ENAH: variants seen among roughly 807,000 people sequenced by gnomAD.
ENAH encodes the protein protein enabled homolog.
A neutral mutation model predicts 78.7 loss-of-function variants in ENAH; 23 were observed. That is an observed-to-expected ratio of 0.29 (90% confidence interval 0.21 to 0.41). ENAH has a LOEUF of 0.41. Among genes scored for constraint, ENAH ranks in the 10% least tolerant of loss-of-function variants. The pLI is 1.00. For missense variants in ENAH, 544 were observed against 691.0 expected (o/e 0.79, Z 2.39); for synonymous variants, 226 against 241.0 (o/e 0.94, Z 0.58).
chr1:225,588,633 C>T (rs755112099), intron 1 of ENAH, among the ~76,000 whole-genome samples: 23 of 151,958 alleles, frequency 1.5e-4, no homozygotes, highest in Non-Finnish European at 2.4e-4. Flanking sequence ...CACGGTGAAA[C>T]GCCGTCTCGA....
chr1:225,636,763 T>G (rs752214490), intron 1 of ENAH, among the ~76,000 whole-genome samples: 6 of 152,186 alleles, frequency 3.9e-5, no homozygotes, highest in Non-Finnish European at 8.8e-5. Flanking sequence ...AAAAAGTTAT[T>G]AATAGTGTCT....
chr1:225,514,865 G>A lies in ENAH; in HGVS notation c.949C>T (p.Pro317Ser). The A allele has an allele frequency of 5.0e-6, 8 of 1,606,726 alleles. No homozygotes were observed. The highest frequency in any genetic ancestry group is 5.9e-6 in the Non-Finnish European group (7 of 1,178,080). ...VLGPLAPPPP[P>S]PLPPGPAQAS... Reference sequence around the variant, plus strand: ...TGTGCAGGCCCTGGTGGGAGTGGTGGAGGAGGTGGAGGTGCAAGTGGTCCC... The same window carrying A: ...TGTGCAGGCCCTGGTGGGAGTGGTGAAGGAGGTGGAGGTGCAAGTGGTCCC... The change falls in exon 7 of 14, where the codon CCA (proline) becomes TCA (serine). Residue 317 changes from proline (P) to serine (S), a missense_variant. By Grantham distance (74) the Pro-to-Ser change is moderately conservative (BLOSUM62 -1). Around this residue, in one of 4 missense-constraint regions of ENAH, gnomAD observed 366 missense variants for 396.1 expected, o/e 0.92. Coordinates refer to ENST00000366843, the MANE Select transcript of ENAH (RefSeq NM_018212.6).
chr1:225,504,909 C>A, intron 11 of ENAH: 1 of 1,006,504 alleles, frequency 9.9e-7, no homozygotes, highest in Non-Finnish European at 1.5e-6. Flanking sequence ...TGGTGATTAC[C>A]AATCCAGGTA....
At chr1:225,556,081 T>C (rs953778882) in intron 2 of ENAH, among the ~76,000 whole-genome samples, 1 of 152,214 alleles carries the variant, frequency 6.6e-6, no homozygotes, top group Non-Finnish European at 1.5e-5. Flanking sequence ...TGGTAGTCGT[T>C]TGTATAAATC....
chr1:225,593,408 G>T lies in ENAH; in HGVS notation c.6-25994C>A, dbSNP rs1318799274. ...CTGCCCCTGTGTGTGTGTGGGGGGG[G>T]GGGGGGGGGTGGGGGGTGCCCTAGT... On this transcript the variant is annotated intron_variant, in intron 1 of 13. Coordinates refer to ENST00000366843, the MANE Select transcript of ENAH (RefSeq NM_018212.6). 8.4e-4 allele frequency among the ~76,000 whole-genome samples: 100 copies of T among 118,946 alleles called. 4 individuals are homozygous for T. The highest frequency in any genetic ancestry group is 2.5e-3 in the African/African-American group (79 of 32,228). 78.0% of individuals were successfully genotyped at this position (118,946 alleles called of 152,430 possible). A position where few individuals can be genotyped will look rare whatever the true frequency, so the allele number is the denominator to read the frequency against.
chr1:225,567,097 G>A (rs1464996285), intron 2 of ENAH, 152 bp downstream of exon 2: 1 of 730,590 alleles, frequency 1.4e-6, no homozygotes, highest in East Asian at 3.1e-5. Context: ...CTTCATAAAA[G>A]GTAGAAAGGG....
chr1:225,564,312 G>A (rs928288793), intron 2 of ENAH, among the ~76,000 whole-genome samples: 4 of 151,436 alleles, frequency 2.6e-5, no homozygotes, highest in African/African-American at 9.7e-5. Flanking sequence ...TTTTTGAGAT[G>A]GTGTTTCGCT....
Position 225,555,093 on chromosome 1 carries a change from A to AG in ENAH, c.172-11_172-10insC. 1 of 1,509,192 alleles carries AG rather than the reference A, an allele frequency of 6.6e-7. No homozygotes were observed. The highest frequency in any genetic ancestry group is 9.0e-7 in the Non-Finnish European group (1 of 1,109,118). 93.5% of individuals were successfully genotyped at this position (1,509,192 alleles called of 1,614,324 possible). Reference sequence around the variant, plus strand: ...CACAGTTTATCACGACCTAAAAAATAATAATTCTTTATAAAGTCAAACCAA... The same window carrying AG: ...CACAGTTTATCACGACCTAAAAAATAGATAATTCTTTATAAAGTCAAACCAA... On this transcript the variant is annotated splice_polypyrimidine_tract_variant and intron_variant, in intron 2 of 13. Coordinates refer to ENST00000366843, the MANE Select transcript of ENAH (RefSeq NM_018212.6).
intron 1 of ENAH, among the ~76,000 whole-genome samples, chr1:225,598,905 T>A (rs968549841): frequency 6.6e-6 from 1 of 152,038 alleles, no homozygotes; most frequent in African/African-American, 2.4e-5. Flanking sequence ...TGTTAGTTAT[T>A]CAGTTTCAAA....
chr1:225,508,636 A>T (rs993962389), intron 10 of ENAH: 1 of 152,254 alleles, frequency 6.6e-6, no homozygotes, highest in African/African-American at 2.4e-5. Flanking sequence ...CTAAGCTCTT[A>T]TTACAAAAGA....
chr1:225,577,396 T>C lies in ENAH; in HGVS notation c.6-9982A>G, dbSNP rs377214090. 4.1e-4 allele frequency among the ~76,000 whole-genome samples: 62 copies of C among 152,274 alleles called. 1 individual carries two copies. Among genetic ancestry groups the C allele is most frequent in the South Asian group, 2.1e-3 (10 of 4,828 alleles). On this transcript the variant is annotated intron_variant, in intron 1 of 13. Transcript: ENST00000366843. ...AGATTGAGGAATACAACAAAAACAC[T>C]GTGAATGCCACTGACAAACAGCAGA... is the stretch of plus-strand genomic sequence containing the variant.
At chr1:225,633,819 T>G in intron 1 of ENAH, among the ~76,000 whole-genome samples, 1 of 152,208 alleles carries the variant, frequency 6.6e-6, no homozygotes, top group East Asian at 1.9e-4. Context: ...GAACAAACAT[T>G]ACCCAAAGGT....
intron 1 of ENAH, among the ~76,000 whole-genome samples, chr1:225,616,191 C>CG (rs754992520): frequency 1.8e-4 from 27 of 152,054 alleles, no homozygotes; most frequent in Non-Finnish European, 3.1e-4. Flanking sequence ...ACAAACACTG[C>CG]GGAAGGCCGC....
At chr1:225,555,922 T>C (rs976890457) in intron 2 of ENAH, among the ~76,000 whole-genome samples, 3 of 152,244 alleles carry the variant, frequency 2.0e-5, no homozygotes, top group Non-Finnish European at 4.4e-5. Context: ...ATTTATTTCC[T>C]ATTATTAATC....
At chr1:225,574,118 C>T (rs373407776) in intron 1 of ENAH, among the ~76,000 whole-genome samples, 2 of 152,136 alleles carry the variant, frequency 1.3e-5, no homozygotes, top group East Asian at 3.9e-4. Context: ...ATTTTAAATT[C>T]AGGATTTCCA....
intron 3 of ENAH, among the ~76,000 whole-genome samples, chr1:225,552,636 A>G (rs2096647038): frequency 6.6e-6 from 1 of 152,184 alleles, no homozygotes; most frequent in South Asian, 2.1e-4. Context: ...CTTCCTTGCC[A>G]GTGACTGATC....
chr1:225,637,338 G>A (rs1660244027), intron 1 of ENAH, among the ~76,000 whole-genome samples: 2 of 152,200 alleles, frequency 1.3e-5, no homozygotes. Context: ...CTCCCGAGTA[G>A]CTGGGATTAT....
At chr1:225,627,800 C>T (rs1214919190) in intron 1 of ENAH, among the ~76,000 whole-genome samples, 4 of 152,176 alleles carry the variant, frequency 2.6e-5, no homozygotes, top group Non-Finnish European at 5.9e-5. Context: ...TTTCAGACGC[C>T]TCCAGACACA....
chr1:225,506,501 G>C (rs2096330992), intron 11 of ENAH, among the ~76,000 whole-genome samples: 1 of 152,002 alleles, frequency 6.6e-6, no homozygotes, highest in Non-Finnish European at 1.5e-5. Context: ...TCCTTGTTAT[G>C]GGCTTAATAA....
Sources: allele counts gnomAD v4.1 joint callset (sites outside exome capture counted in the v4.1 genomes callset), GRCh38; gene constraint gnomAD v4.1.1; regional missense constraint gnomAD v4.1.1; transcripts MANE v1.5; gene names NCBI Gene and HGNC (gene_info 2026-07-23, HGNC 2026-07-21).